Variants in TULP4 observed in about 807,000 individuals in gnomAD.
The protein encoded by TULP4 is TUB like protein 4.
In TULP4, 16 loss-of-function variants were observed where a neutral mutation model predicts 129.0. That is an observed-to-expected ratio of 0.12 (90% confidence interval 0.08 to 0.19). The LOEUF (loss-of-function observed/expected upper bound fraction) is 0.19, where lower values mean the gene tolerates loss of function less well. Among genes scored for constraint, TULP4 ranks in the 10% least tolerant of loss-of-function variants. The probability of loss-of-function intolerance (pLI) is 1.00; values close to 1 mark genes in which losing one functional copy is unlikely to be tolerated. For synonymous variants in TULP4, 998 were observed against 854.0 expected (o/e 1.17, Z -2.94); for missense variants, 1,842 against 2,059.1 (o/e 0.89, Z 2.04).
intron 3 of TULP4, among the ~76,000 whole-genome samples, chr6:158,442,067 A>G (rs1425804797): frequency 6.6e-6 from 1 of 151,182 alleles, no homozygotes; most frequent in Non-Finnish European, 1.5e-5. Context: ...CATTCTCCCT[A>G]CTGCAGCAGT....
upstream of TULP4, among the ~76,000 whole-genome samples, chr6:158,279,152 C>T (rs1778702486): frequency 6.6e-6 from 1 of 151,898 alleles, no homozygotes; most frequent in Non-Finnish European, 1.5e-5. Context: ...CCATGTTAAC[C>T]AGGATGGTCT....
At chr6:158,295,582 C>G (rs1411441557) in intron 1 of TULP4, among the ~76,000 whole-genome samples, 2 of 148,358 alleles carry the variant, frequency 1.3e-5, no homozygotes, top group African/African-American at 5.1e-5. Context: ...TAACTACCAC[C>G]CAGGTAAAGA....
intron 1 of TULP4, among the ~76,000 whole-genome samples, chr6:158,406,443 G>C (rs1252454627): frequency 6.6e-6 from 1 of 152,132 alleles, no homozygotes; most frequent in Non-Finnish European, 1.5e-5. Context: ...CAACCTCAAT[G>C]AATAGTGCAT....
intron 1 of TULP4, among the ~76,000 whole-genome samples, chr6:158,288,614 C>T (rs531285896): frequency 6.6e-6 from 1 of 152,206 alleles, no homozygotes; most frequent in African/African-American, 2.4e-5. Flanking sequence ...CATTCTCCTG[C>T]CTCAGACTCC....
intron 2 of TULP4, among the ~76,000 whole-genome samples, chr6:158,426,291 C>T (rs1778490687): frequency 6.6e-6 from 1 of 152,178 alleles, no homozygotes; most frequent in Non-Finnish European, 1.5e-5. Flanking sequence ...ATCATGAAAT[C>T]TTTGCCCGTT....
chr6:158,490,545 GT>G (rs577509768), intron 9 of TULP4, among the ~76,000 whole-genome samples: 63 of 152,176 alleles, frequency 4.1e-4, no homozygotes, highest in Non-Finnish European at 7.2e-4. Context: ...TAAGGTATAA[GT>G]TACATACAGA....
intron 1 of TULP4, among the ~76,000 whole-genome samples, chr6:158,368,303 C>G (rs1302034400): frequency 6.6e-6 from 1 of 151,952 alleles, no homozygotes; most frequent in African/African-American, 2.4e-5. Context: ...TTCATTTTAA[C>G]TTCATTTATT....
At chr6:158,294,137 G>A (rs919134070) in intron 1 of TULP4, among the ~76,000 whole-genome samples, 3 of 152,164 alleles carry the variant, frequency 2.0e-5, no homozygotes, top group African/African-American at 7.2e-5. Flanking sequence ...ACCGAGGCGG[G>A]TGGATCACCT....
At chr6:158,439,481 C>G (rs943275747) in intron 3 of TULP4, among the ~76,000 whole-genome samples, 2 of 151,780 alleles carry the variant, frequency 1.3e-5, no homozygotes, top group African/African-American at 4.8e-5. Flanking sequence ...AACTCTCTCC[C>G]TCCACCCACC....
chr6:158,442,126 GGCTTGTC>G (rs1242662907), intron 3 of TULP4, among the ~76,000 whole-genome samples: 1 of 152,112 alleles, frequency 6.6e-6, no homozygotes, highest in African/African-American at 2.4e-5. Flanking sequence ...GGTCCAGCTT[GGCTTGTC>G]TTTGGCACCG....
intron 1 of TULP4, 134 bp from the exon 2 acceptor site, chr6:158,412,931 A>G (rs975259487): frequency 7.8e-7 from 1 of 1,275,754 alleles, no homozygotes; most frequent in Non-Finnish European, 1.1e-6. Context: ...CCCTGCCCTG[A>G]TCCCTGCATT....
At chr6:158,485,325 T>TAG (rs1780040659) in intron 8 of TULP4, among the ~76,000 whole-genome samples, 2 of 152,196 alleles carry the variant, frequency 1.3e-5, no homozygotes, top group Non-Finnish European at 2.9e-5. Context: ...AGAAAATATT[T>TAG]AGACTATTCA....
intron 1 of TULP4, among the ~76,000 whole-genome samples, chr6:158,283,539 T>TCA (rs1778792431): frequency 6.6e-6 from 1 of 152,206 alleles, no homozygotes; most frequent in African/African-American, 2.4e-5. Context: ...TGTGTGCTGT[T>TCA]TCCTGCCTGA....
chr6:158,460,165 C>G (rs1031397365), intron 5 of TULP4, among the ~76,000 whole-genome samples: 1 of 152,284 alleles, frequency 6.6e-6, no homozygotes. Context: ...TGTCTTGTCC[C>G]AGGAGACACA....
At chr6:158,490,136 G>A (rs1431112976) in intron 9 of TULP4, among the ~76,000 whole-genome samples, 7 of 152,212 alleles carry the variant, frequency 4.6e-5, no homozygotes, top group African/African-American at 1.7e-4. Context: ...AGTGGCTCAC[G>A]CCTGTAATCC....
In TULP4 at chr6:158,493,709, A is replaced by G. The variant is rs746484353; in HGVS notation, c.1768A>G (p.Ile590Val). The G allele has an allele frequency of 6.4e-6, 10 of 1,570,698 alleles. No individual in the cohort carries two copies. In the South Asian group the frequency reaches 1.1e-4, roughly 17 times the overall value. ...TCGGAGAGAGTTTCCTTTTGAAGAC[A>G]TCACTCAGGTAGGAGCCCCCAGTTA... The part of the protein sequence containing the change: ...LTRREFPFED[I>V]TQHNYLAQVT... Residue 590 changes from isoleucine to valine, a missense_variant, in exon 10 of 14, where the codon ATC becomes GTC. Coordinates refer to ENST00000367097, the MANE Select transcript of TULP4 (RefSeq NM_020245.5). The surrounding 1 kb of genome is among the most constrained non-coding windows in gnomAD (Gnocchi z 4.4).
At chr6:158,401,643 T>G (rs1442279698) in intron 1 of TULP4, among the ~76,000 whole-genome samples, 1 of 151,408 alleles carries the variant, frequency 6.6e-6, no homozygotes, top group Non-Finnish European at 1.5e-5. Flanking sequence ...CAAGCCGTTC[T>G]AAGCATGTGG....
chr6:158,415,953 CAAAAGTTGGGA>C (rs957006986), intron 2 of TULP4, among the ~76,000 whole-genome samples: 1 of 152,180 alleles, frequency 6.6e-6, no homozygotes, highest in African/African-American at 2.4e-5. Context: ...CCCAAAACCA[CAAAAGTTGGGA>C]AGTTGACAGT....
At position 158,503,131 on chromosome 6, in the gene TULP4, T is replaced by C. The variant is rs1780507412; in HGVS notation, c.3468T>C (p.Ser1156=). The C allele has an allele frequency of 6.2e-7, 1 of 1,613,752 alleles. No homozygotes were observed. The highest frequency in any genetic ancestry group is 8.5e-7 in the Non-Finnish European group (1 of 1,179,800). ...NPLKLSSLML[S]QGQHLDVSRL... is the part of the protein sequence containing the mutation. ...TAAAACTGTCCTCTCTGATGCTGAG[T>C]CAGGGCCAGCACCTGGACGTGTCCC... The change falls in exon 13 of 14, where the codon AGT becomes AGC. Residue 1156 remains serine (S), a synonymous_variant. Transcript: ENST00000367097. This position sits in a 1 kb window ranked among gnomAD's most constrained non-coding sequence, Gnocchi z 4.3.
Sources: gnomAD v4.1 joint callset for allele counts (sites outside exome capture counted in the v4.1 genomes callset) on GRCh38, gnomAD v4.1.1 for gene constraint, Gnocchi (gnomAD v3.1) non-coding constraint, MANE v1.5 for transcripts, NCBI Gene and HGNC (gene_info 2026-07-23, HGNC 2026-07-21) for gene names.